Variants in UNC13C observed in about 807,000 individuals in gnomAD.
UNC13C encodes protein unc-13 homolog C.
Under a neutral mutation model 245.4 loss-of-function variants are expected in UNC13C, and 174 were observed. The observed-to-expected ratio is 0.71, with a 90% CI of 0.63 to 0.80. UNC13C has a LOEUF of 0.80. UNC13C is among the 30% of genes least tolerant of loss of function. UNC13C has a pLI of 0.00. For missense variants in UNC13C, 2,829 were observed against 2,602.9 expected, an observed-to-expected ratio of 1.09 and a Z score of -1.89; for synonymous variants, 992 against 895.1, an observed-to-expected ratio of 1.11 and a Z score of -1.93.
intron 4 of UNC13C, among the ~76,000 whole-genome samples, chr15:54,214,459 A>G (rs2034978950): frequency 6.6e-6 from 1 of 152,020 alleles, no homozygotes; most frequent in Admixed American, 6.6e-5. Flanking sequence ...TGCAAGAAAC[A>G]TTGTCTAATA....
At chr15:54,004,010 G>GAAACAAACAAACAAACA (rs917573268) in intron 1 of UNC13C, among the ~76,000 whole-genome samples, 16 of 152,122 alleles carry the variant, frequency 1.1e-4, no homozygotes, top group South Asian at 8.3e-4. Flanking sequence ...GACTCCATCT[G>GAAACAAACAAACAAACA]AAACAAACAA....
intron 17 of UNC13C, among the ~76,000 whole-genome samples, chr15:54,384,830 C>T (rs931088842): frequency 6.6e-6 from 1 of 151,884 alleles, no homozygotes; most frequent in Non-Finnish European, 1.5e-5. Context: ...AATAATAATT[C>T]TATTAAAAAG....
intron 4 of UNC13C, among the ~76,000 whole-genome samples, chr15:54,170,211 G>T (rs191303710): frequency 1.3e-5 from 2 of 152,068 alleles, no homozygotes; most frequent in African/African-American, 4.8e-5. Context: ...TGACTTTATA[G>T]ATTTCCATTT....
intron 19 of UNC13C, among the ~76,000 whole-genome samples, chr15:54,421,249 T>G (rs1431135588): frequency 1.3e-5 from 2 of 151,994 alleles, no homozygotes; most frequent in African/African-American, 2.4e-5. Flanking sequence ...TTGAGTACCA[T>G]TATTCATAAC....
chr15:54,164,102 G>GT (rs1164042260), intron 4 of UNC13C, among the ~76,000 whole-genome samples: 9 of 152,076 alleles, frequency 5.9e-5, no homozygotes, highest in African/African-American at 2.2e-4. Flanking sequence ...TTCATTATGT[G>GT]TAAGTATATT....
chr15:54,591,639 C>G (rs1399093612), intron 30 of UNC13C, among the ~76,000 whole-genome samples: 1 of 151,934 alleles, frequency 6.6e-6, no homozygotes, highest in African/African-American at 2.4e-5. Flanking sequence ...GTAATATTTC[C>G]TGTTTTGTAT....
chr15:54,622,194 C>T (rs1056045487), intron 30 of UNC13C, 133 bp from the exon 31 acceptor site: 1 of 639,138 alleles, frequency 1.6e-6, no homozygotes. Flanking sequence ...TTTATCATCA[C>T]CTATTACGCA....
chr15:54,134,351 T>C (rs2031611248), intron 2 of UNC13C, among the ~76,000 whole-genome samples: 1 of 151,754 alleles, frequency 6.6e-6, no homozygotes, highest in Non-Finnish European at 1.5e-5. Context: ...ACCTAGTATA[T>C]GTCCTCTAGA....
chr15:53,988,478 T>C (rs1198173262), intron 1 of UNC13C, among the ~76,000 whole-genome samples: 1 of 151,852 alleles, frequency 6.6e-6, no homozygotes, highest in East Asian at 1.9e-4. Flanking sequence ...TTTGCTAGGT[T>C]GCACAGAAGA....
At chr15:54,197,415 A>C (rs1471224984) in intron 4 of UNC13C, among the ~76,000 whole-genome samples, 1 of 151,942 alleles carries the variant, frequency 6.6e-6, no homozygotes, top group Non-Finnish European at 1.5e-5. Context: ...GTGAGCCAAG[A>C]TCACACCACT....
intron 4 of UNC13C, among the ~76,000 whole-genome samples, chr15:54,188,825 A>G (rs1595974504): frequency 6.6e-6 from 1 of 152,310 alleles, no homozygotes; most frequent in East Asian, 1.9e-4. Flanking sequence ...AAAATTGATG[A>G]TTACAAATAG....
At position 54,195,749 on chromosome 15, in the gene UNC13C, A is replaced by G. The variant is rs77513949; in HGVS notation, c.3072-39281A>G. The stretch of plus-strand genomic sequence containing the variant: ...GCAAAGTGGTTTTGTTGTAAGTGGT[A>G]TAATATGACATTGCAGAGAAGTGCA... On this transcript the variant is annotated intron_variant, in intron 4 of 32. Transcript: ENST00000260323. Among the ~76,000 whole-genome samples the G allele has an allele frequency of 1.2e-4, 18 of 152,280 alleles. No homozygotes were observed. The East Asian group carries it at 3.3e-3, about 28-fold the overall frequency.
the UNC13C span, among the ~76,000 whole-genome samples, chr15:53,897,673 C>T: frequency 6.6e-6 from 1 of 152,208 alleles, no homozygotes; most frequent in East Asian, 1.9e-4. Context: ...AGGCCTTACC[C>T]AATGCCATTT....
At chr15:54,362,074 C>T (rs925971285) in intron 17 of UNC13C, among the ~76,000 whole-genome samples, 1 of 152,178 alleles carries the variant, frequency 6.6e-6, no homozygotes, top group African/African-American at 2.4e-5. Flanking sequence ...CTCTATGGCT[C>T]CAGCCAGTCT....
chr15:54,344,231 C>T (rs183028004), intron 17 of UNC13C, among the ~76,000 whole-genome samples: 1 of 152,228 alleles, frequency 6.6e-6, no homozygotes, highest in South Asian at 2.1e-4. Context: ...AGTGGCATAC[C>T]TTACTTGATG....
chr15:54,228,740 C>G (rs1484772590), intron 4 of UNC13C, among the ~76,000 whole-genome samples: 4 of 152,112 alleles, frequency 2.6e-5, no homozygotes, highest in Non-Finnish European at 4.4e-5. Flanking sequence ...AGACAAAGTC[C>G]TCTTGCTCTT....
chr15:54,592,863 G>GTT (rs56152927), intron 30 of UNC13C, among the ~76,000 whole-genome samples: 26 of 134,160 alleles, frequency 1.9e-4, no homozygotes, highest in African/African-American at 6.0e-4. Context: ...TTTGTTTTTT[G>GTT]TTTTTTTTTT....
chr15:54,342,129 A>C (rs2141010977), intron 17 of UNC13C, among the ~76,000 whole-genome samples: 2 of 152,154 alleles, frequency 1.3e-5, no homozygotes, highest in Middle Eastern at 6.8e-3. Flanking sequence ...TGTTCTGTGA[A>C]TTGCCTGTCA....
rs371622290 is a variant in UNC13C, at chr15:54,372,829, C to T, written c.4714-20219C>T. Among the ~76,000 whole-genome samples, 27 of 152,286 alleles carry T rather than the reference C, an allele frequency of 1.8e-4. No homozygotes were observed. In the East Asian group the frequency reaches 4.6e-3, roughly 26 times the overall value. On this transcript the variant is annotated intron_variant, in intron 17 of 32. Transcript: ENST00000260323. ...GTGCAGTGGTAGAAGCATTCTATAC[C>T]TGCATTGCCTAATAGAGTAGCTGTA...
Sources: allele counts gnomAD v4.1 joint callset (sites outside exome capture counted in the v4.1 genomes callset), GRCh38; gene constraint gnomAD v4.1.1; transcripts MANE v1.5; gene names NCBI Gene and HGNC (gene_info 2026-07-23, HGNC 2026-07-21).